PAX8: variants seen among roughly 807,000 people sequenced by gnomAD.
PAX8 encodes paired box 8.
A neutral mutation model predicts 52.4 loss-of-function variants in PAX8; 15 were observed. The ratio of observed to expected loss-of-function variants is 0.29; its 90% CI spans 0.19 to 0.44. The LOEUF is 0.44. Ranked by LOEUF, PAX8 falls within the 20% of genes least tolerant of loss-of-function variation. The probability of loss-of-function intolerance (pLI) is 1.00; values close to 1 mark genes in which losing one functional copy is unlikely to be tolerated. For missense variants in PAX8, 554 were observed against 602.5 expected (o/e 0.92, Z 0.84); for synonymous variants, 284 against 249.7 (o/e 1.14, Z -1.29).
At chr2:113,251,793 T>TAA (rs1691786543) in intron 2 of PAX8, among the ~76,000 whole-genome samples, 1 of 152,200 alleles carries the variant, frequency 6.6e-6, no homozygotes, top group Non-Finnish European at 1.5e-5. Context: ...TCCAAACCCT[T>TAA]AAGATGTGGA....
At chr2:113,265,025 G>C (rs954881511) in intron 2 of PAX8, among the ~76,000 whole-genome samples, 9 of 152,230 alleles carry the variant, frequency 5.9e-5, no homozygotes, top group Non-Finnish European at 4.4e-5. Flanking sequence ...GCTTGTTAAT[G>C]ATTGGATTAA....
chr2:113,227,358 C>T (rs2104432826), intron 9 of PAX8, 102 bp from the exon 10 acceptor site: 2 of 956,482 alleles, frequency 2.1e-6, no homozygotes, highest in East Asian at 2.6e-5. Context: ...TTCCCACCCT[C>T]TCTACAGCCA....
chr2:113,257,848 CAATT>C (rs1349083179), intron 2 of PAX8, among the ~76,000 whole-genome samples: 1 of 152,130 alleles, frequency 6.6e-6, no homozygotes, highest in African/African-American at 2.4e-5. Context: ...TGCATCTTTT[CAATT>C]AATTCTTATA....
intron 2 of PAX8, among the ~76,000 whole-genome samples, chr2:113,277,890 G>T (rs1210371393): frequency 6.6e-6 from 1 of 152,164 alleles, no homozygotes; most frequent in South Asian, 2.1e-4. Flanking sequence ...GGGACCACCG[G>T]CTCCATTGCC....
In PAX8 at chr2:113,249,268, G is replaced by A. The variant is rs149621593; in HGVS notation, c.26-2349C>T. Among the ~76,000 whole-genome samples the A allele has an allele frequency of 1.2e-4, 19 of 152,372 alleles. No homozygotes were observed. In the East Asian group the frequency reaches 3.7e-3, roughly 29 times the overall value. ...ATTCCTCTGGTCCTCACTGGCCAGAGTGCCATTTGTGAATTGCTGTAGCCA... is the reference window on the plus strand; with the variant it reads ...ATTCCTCTGGTCCTCACTGGCCAGAATGCCATTTGTGAATTGCTGTAGCCA... On this transcript the variant is annotated intron_variant, in intron 2 of 11. Transcript: ENST00000429538.
intron 9 of PAX8, among the ~76,000 whole-genome samples, chr2:113,229,492 A>G (rs1194030790): frequency 6.6e-6 from 1 of 152,176 alleles, no homozygotes; most frequent in East Asian, 1.9e-4. Flanking sequence ...CCTGAACACC[A>G]CCTTCTAATT....
At chr2:113,278,762 A>T (rs931822629) in intron 1 of PAX8, 69 bp downstream of exon 1, 1 of 778,802 alleles carries the variant, frequency 1.3e-6, no homozygotes, top group Non-Finnish European at 1.7e-6. Context: ...GCATCCTGGG[A>T]CCCTCTCCTT....
Position 113,216,591 on chromosome 2 carries a change from G to A in PAX8, c.*1942C>T, listed in dbSNP as rs932801565. ...CCGAGCTGTCACATTGCATTTCCCA[G>A]ATTTCCTGGAGGTGGTTGGCCTAAA... On this transcript the variant is annotated 3_prime_UTR_variant, in exon 12 of 12. Transcript: ENST00000429538. 1.3e-5 allele frequency: 3 copies of A among 229,406 alleles called. No homozygotes were observed. Among genetic ancestry groups the A allele is most frequent in the Non-Finnish European group, 1.7e-5 (2 of 115,698 alleles). The allele number at this position is 229,406 out of a possible 1,614,324, so 14.2% of individuals were successfully genotyped here.
chr2:113,264,466 A>G lies in PAX8; in HGVS notation c.25+13904T>C, dbSNP rs988483339. Among the ~76,000 whole-genome samples the G allele has an allele frequency of 2.0e-5, 3 of 152,364 alleles. No homozygotes were observed. In the South Asian group the frequency reaches 6.2e-4, roughly 32 times the overall value. On this transcript the variant is annotated intron_variant, in intron 2 of 11. Coordinates refer to ENST00000429538, the MANE Select transcript of PAX8 (RefSeq NM_003466.4). ...GTGTATTTCATGTTGGAAAAACTTC[A>G]TGTACAAAACTCAAATGTGCAAGTT...
chr2:113,221,727 G>C (rs914144490), intron 10 of PAX8, among the ~76,000 whole-genome samples: 4 of 152,154 alleles, frequency 2.6e-5, no homozygotes, highest in Non-Finnish European at 4.4e-5. Context: ...TAAGGCCTGG[G>C]TTGGGGTTAG....
chr2:113,278,785 C>T (rs1694007160), intron 1 of PAX8, 46 bp downstream of exon 1: 3 of 925,948 alleles, frequency 3.2e-6, no homozygotes, highest in Non-Finnish European at 2.7e-6. Flanking sequence ...TTCCATCCCC[C>T]GTCCTCACTG....
intron 6 of PAX8, 111 bp downstream of exon 6, chr2:113,241,897 G>A: frequency 6.8e-7 from 1 of 1,461,488 alleles, no homozygotes; most frequent in Admixed American, 1.9e-5. Context: ...ACAGTCACAT[G>A]CAGAGCCCCT....
At chr2:113,250,266 CAAA>C (rs35799959) in intron 2 of PAX8, among the ~76,000 whole-genome samples, 10 of 102,992 alleles carry the variant, frequency 9.7e-5, no homozygotes, top group Admixed American at 2.2e-4. Context: ...GACTCCATCT[CAAA>C]AAAAAAAAAA....
chr2:113,242,301 G>A (rs1332253805), intron 5 of PAX8, among the ~76,000 whole-genome samples, 171 bp from the exon 6 acceptor site: 3 of 151,992 alleles, frequency 2.0e-5, no homozygotes, highest in Non-Finnish European at 2.9e-5. Flanking sequence ...GGGGGACTGC[G>A]GTGGTGGGAA....
intron 9 of PAX8, among the ~76,000 whole-genome samples, chr2:113,231,154 G>C (rs916562838): frequency 1.3e-5 from 2 of 152,190 alleles, no homozygotes; most frequent in African/African-American, 4.8e-5. Context: ...CGTTCTGATA[G>C]CAAGGAGAAT....
At chr2:113,277,232 G>C (rs1009053524) in intron 2 of PAX8, among the ~76,000 whole-genome samples, 2 of 152,186 alleles carry the variant, frequency 1.3e-5, no homozygotes, top group Non-Finnish European at 2.9e-5. Context: ...TGCAGCTCTA[G>C]AGAGAACCCG....
chr2:113,229,864 G>A (rs918098538), intron 9 of PAX8, among the ~76,000 whole-genome samples: 1 of 152,150 alleles, frequency 6.6e-6, no homozygotes, highest in Admixed American at 6.5e-5. Context: ...TGGTGAGGGA[G>A]GGAGTGATGG....
chr2:113,278,306 G>A (rs1693976362), intron 2 of PAX8, 64 bp downstream of exon 2: 2 of 1,295,260 alleles, frequency 1.5e-6, no homozygotes, highest in Non-Finnish European at 1.1e-6. Flanking sequence ...CCAACCACCC[G>A]AGCGCACGCA....
chr2:113,235,300 G>A (rs1690185695), intron 9 of PAX8, 94 bp downstream of exon 9: 1 of 1,077,776 alleles, frequency 9.3e-7, no homozygotes, highest in Admixed American at 2.5e-5. Flanking sequence ...GGGTGGATGA[G>A]ACTGAGGCCA....
Sources: allele counts gnomAD v4.1 joint callset (sites outside exome capture counted in the v4.1 genomes callset), GRCh38; gene constraint gnomAD v4.1.1; transcripts MANE v1.5; gene names NCBI Gene and HGNC (gene_info 2026-07-23, HGNC 2026-07-21).